The following IRF2BP1 variants were observed in gnomAD, a reference collection of about 807,000 sequenced individuals.
The protein encoded by IRF2BP1 is interferon regulatory factor 2 binding protein 1.
A neutral mutation model predicts 38.6 loss-of-function variants in IRF2BP1; 9 were observed. That is an observed-to-expected ratio of 0.23 (90% confidence interval 0.14 to 0.41). IRF2BP1 has a LOEUF of 0.41. IRF2BP1 is among the 10% of genes least tolerant of loss of function. The pLI, the probability that IRF2BP1 is intolerant of heterozygous loss-of-function variation, is 1.00. For synonymous variants in IRF2BP1, 416 were observed against 383.4 expected (o/e 1.08, Z -0.99); for missense variants, 631 against 829.6 (o/e 0.76, Z 2.94).
Position 45,884,142 on chromosome 19 carries a change from A to G in IRF2BP1, c.1633T>C (p.Tyr545His). The change falls in exon 1 of 1, where the codon TAC becomes CAC. Residue 545 changes from tyrosine to histidine, a missense_variant. Tyr to His is a moderately conservative substitution (Grantham distance 83, BLOSUM62 2). Around this residue, in one of 5 missense-constraint regions of IRF2BP1, gnomAD observed 58 missense variants for 108.4 expected, o/e 0.54. Transcript: ENST00000302165. ...IKAQGPAGEVYCPSGDKCPLV... is the reference protein window; with the variant it reads ...IKAQGPAGEVHCPSGDKCPLV... ...GGGCACTTGTCTCCGCTCGGGCAGT[A>G]CACCTCCCCGGCCGGGCCCTGCGCC... The G allele has an allele frequency of 6.2e-7, 1 of 1,613,222 alleles. No homozygotes were observed. The highest frequency in any genetic ancestry group is 8.5e-7 in the Non-Finnish European group (1 of 1,179,884).
Position 45,884,465 on chromosome 19 carries a change from G to A in IRF2BP1, c.1310C>T (p.Pro437Leu), listed in dbSNP as rs1421771466. 9.4e-6 allele frequency: 15 copies of A among 1,599,984 alleles called. No homozygotes were observed. Among genetic ancestry groups the A allele is most frequent in the Non-Finnish European group, 1.1e-5 (13 of 1,178,866 alleles). Residue 437 changes from proline to leucine, a missense_variant, in exon 1 of 1, where the codon CCC becomes CTC. Around this residue, in one of 5 missense-constraint regions of IRF2BP1, gnomAD observed 201 missense variants for 215.3 expected, o/e 0.93. Transcript: ENST00000302165. ...CCCCCCGCCTCCGCCAGGGTCCTTG[G>A]GTGAGTGGCCCAGGGCTTCGGCCAC... ...KNVAEALGHSPKDPGGGGGPV... is the reference protein window; with the variant it reads ...KNVAEALGHSLKDPGGGGGPV...
At position 45,885,980 on chromosome 19, in the gene IRF2BP1, A is replaced by T; in HGVS notation, c.-206T>A. On this transcript the variant is annotated 5_prime_UTR_variant, in exon 1 of 1. Coordinates refer to ENST00000302165, the MANE Select transcript of IRF2BP1 (RefSeq NM_015649.3). Reference sequence around the variant, plus strand: ...CTGCTCACTCCCGCCTCCCTCGCGAAGGCAGGCTGAGGCACGTCGGCGCCC... The same window carrying T: ...CTGCTCACTCCCGCCTCCCTCGCGATGGCAGGCTGAGGCACGTCGGCGCCC... The T allele has an allele frequency of 1.9e-6, 1 of 526,714 alleles. No individual in the cohort carries two copies. Among genetic ancestry groups the T allele is most frequent in the Non-Finnish European group, 3.1e-6 (1 of 326,034 alleles). The allele number at this position is 526,714 out of a possible 1,614,324, so 32.6% of individuals were successfully genotyped here.
rs770567375 is a variant in IRF2BP1 at position 45,884,968 on chromosome 19, C to G, written c.807G>C (p.Glu269Asp). ...ATTCGGTGAAGAGCTTCAGCTCGAA[C>G]TCGTATCCTGGAGGACGGGCAGTAG... is the stretch of plus-strand genomic sequence containing the variant. ...FDATARPPGY[E>D]FELKLFTEYP... The change falls in exon 1 of 1, where the codon GAG becomes GAC. Residue 269 changes from glutamate (E) to aspartate (D), a missense_variant. Glu to Asp is a conservative substitution (Grantham distance 45). Coordinates refer to ENST00000302165, the MANE Select transcript of IRF2BP1 (RefSeq NM_015649.3). The G allele has an allele frequency of 4.3e-6, 7 of 1,613,358 alleles. No homozygotes were observed. Among genetic ancestry groups the G allele is most frequent in the Non-Finnish European group, 5.9e-6 (7 of 1,180,056 alleles).
chr19:45,884,442 C>T lies in IRF2BP1; in HGVS notation c.1333G>A (p.Gly445Arg), dbSNP rs759296128. The change falls in exon 1 of 1, where the codon GGG becomes AGG. Residue 445 changes from glycine (G) to arginine (R), a missense_variant. Transcript: ENST00000302165. ...HSPKDPGGGGGPVRAGGASPA... is the reference protein window; with the variant it reads ...HSPKDPGGGGRPVRAGGASPA... ...CTGGCGCCCCCTGCACGCACAGGCC[C>T]CCCGCCTCCGCCAGGGTCCTTGGGT... The T allele has an allele frequency of 6.3e-7, 1 of 1,597,420 alleles. No individual in the cohort carries two copies.
Position 45,885,928 on chromosome 19 carries a change from T to G in IRF2BP1, c.-154A>C. 1 of 860,102 alleles carries G rather than the reference T, an allele frequency of 1.2e-6. No homozygotes were observed. The highest frequency in any genetic ancestry group is 1.6e-6 in the Non-Finnish European group (1 of 612,090). The allele number at this position is 860,102 out of a possible 1,614,324, so 53.3% of individuals were successfully genotyped here. On this transcript the variant is annotated 5_prime_UTR_variant, in exon 1 of 1. Coordinates refer to ENST00000302165, the MANE Select transcript of IRF2BP1 (RefSeq NM_015649.3). ...CGCCGGATCCAGGCCCGGCCCCCCT[T>G]CCCCGCCCCCTGGGCCCTAAGCCTT...
Position 45,885,651 on chromosome 19 carries a change from C to A in IRF2BP1, c.124G>T (p.Ala42Ser), listed in dbSNP as rs1363402858. Residue 42 changes from alanine (A) to serine (S), a missense_variant, in exon 1 of 1, where the codon GCG (alanine) becomes TCG (serine). This residue lies in a region of IRF2BP1 where 33 missense variants were observed against 66.8 expected (regional missense o/e 0.49). Coordinates refer to ENST00000302165, the MANE Select transcript of IRF2BP1 (RefSeq NM_015649.3). ...TCGATGAGCAGTTCGATGCGGTCCG[C>A]GCCCTCGAAGTTCACGCAGCCGCGA... ...VCRGCVNFEG[A>S]DRIELLIDAA... 6.3e-7 allele frequency: 1 copy of A among 1,576,952 alleles called. No homozygotes were observed. The highest frequency in any genetic ancestry group is 8.5e-7 in the Non-Finnish European group (1 of 1,171,132).
In IRF2BP1 at chr19:45,883,933, T is replaced by C; in HGVS notation, c.*87A>G. 7.7e-7 allele frequency: 1 copy of C among 1,301,570 alleles called. No individual in the cohort carries two copies. Among genetic ancestry groups the C allele is most frequent in the Non-Finnish European group, 1.0e-6 (1 of 966,818 alleles). The allele number at this position is 1,301,570 out of a possible 1,614,324, so 80.6% of individuals were successfully genotyped here. On this transcript the variant is annotated 3_prime_UTR_variant, in exon 1 of 1. Coordinates refer to ENST00000302165, the MANE Select transcript of IRF2BP1 (RefSeq NM_015649.3). ...GTATGTACACAGATAGAGGTGGCACTGGGCTGGGTCGGGGAGGGAATAATT... is the reference window on the plus strand; with the variant it reads ...GTATGTACACAGATAGAGGTGGCACCGGGCTGGGTCGGGGAGGGAATAATT...
Position 45,884,330 on chromosome 19 carries a change from C to A in IRF2BP1, c.1445G>T (p.Gly482Val), listed in dbSNP as rs1967026678. Residue 482 changes from glycine to valine, a missense_variant, in exon 1 of 1, where the codon GGG (glycine) becomes GTG (valine). Transcript: ENST00000302165. Reference sequence around the variant, plus strand: ...GCCACCCCCGCTGACAGCTTCGGCCCCCGCTGTGGGACTGACTTCTGCTTC... The same window carrying A: ...GCCACCCCCGCTGACAGCTTCGGCCACCGCTGTGGGACTGACTTCTGCTTC... Reference protein sequence around the residue: ...NGEAEVSPTAGAEAVSGGGSG... With the variant: ...NGEAEVSPTAVAEAVSGGGSG... 1.7e-5 allele frequency: 28 copies of A among 1,609,914 alleles called. No homozygotes were observed. Among genetic ancestry groups the A allele is most frequent in the Non-Finnish European group, 2.4e-5 (28 of 1,179,236 alleles).
Position 45,884,446 on chromosome 19 carries a change from G to A in IRF2BP1, c.1329C>T (p.Gly443=), listed in dbSNP as rs767283937. 10 of 1,597,490 alleles carry A rather than the reference G, an allele frequency of 6.3e-6. No individual in the cohort carries two copies. In the Admixed American group the frequency reaches 6.7e-5, roughly 11 times the overall value. The change falls in exon 1 of 1, where the codon GGC becomes GGT. Residue 443 remains glycine (G), a synonymous_variant. Transcript: ENST00000302165. ...LGHSPKDPGG[G]GGPVRAGGAS... is the part of the protein sequence containing the mutation. The stretch of plus-strand genomic sequence containing the variant: ...CGCCCCCTGCACGCACAGGCCCCCC[G>A]CCTCCGCCAGGGTCCTTGGGTGAGT...
Position 45,883,896 on chromosome 19 carries a change from TG to T in IRF2BP1, c.*123del. 1 of 917,170 alleles carries T rather than the reference TG, an allele frequency of 1.1e-6. No homozygotes were observed. The highest frequency in any genetic ancestry group is 3.1e-5 in the Admixed American group (1 of 32,204). 56.8% of individuals were successfully genotyped at this position (917,170 alleles called of 1,614,324 possible). A position where few individuals can be genotyped will look rare whatever the true frequency, so the allele number is the denominator to read the frequency against. On this transcript the variant is annotated 3_prime_UTR_variant, in exon 1 of 1. Coordinates refer to ENST00000302165, the MANE Select transcript of IRF2BP1 (RefSeq NM_015649.3). The stretch of plus-strand genomic sequence containing the variant: ...ATCTACCCCAGGGGACCCATCTGGG[TG>T]GAAGAAGGGAGTATGTACACAGATA...
Position 45,883,831 on chromosome 19 carries a change from C to T in IRF2BP1, c.*189G>A. On this transcript the variant is annotated 3_prime_UTR_variant, in exon 1 of 1. Transcript: ENST00000302165. ...GGCCAAGGGACCCCAAACACCCCCT[C>T]GGACAGGAGCCACAAGCTTTCTCCC... is the stretch of plus-strand genomic sequence containing the variant. The T allele has an allele frequency of 1.9e-6, 1 of 532,212 alleles. No individual in the cohort carries two copies. Among genetic ancestry groups the T allele is most frequent in the Non-Finnish European group, 3.2e-6 (1 of 309,802 alleles). The allele number at this position is 532,212 out of a possible 1,614,324, so 33.0% of individuals were successfully genotyped here. A position where few individuals can be genotyped will look rare whatever the true frequency, so the allele number is the denominator to read the frequency against.
At position 45,883,989 on chromosome 19, in the gene IRF2BP1, C is replaced by G. The variant is rs759710147; in HGVS notation, c.*31G>C. On this transcript the variant is annotated 3_prime_UTR_variant, in exon 1 of 1. Transcript: ENST00000302165. ...GCGGCAGCGGTGGGTGGCAAAGGGGCAGAGGGCAGTAGCCTGGAGGCAGTG... is the reference window on the plus strand; with the variant it reads ...GCGGCAGCGGTGGGTGGCAAAGGGGGAGAGGGCAGTAGCCTGGAGGCAGTG... 1 of 1,519,334 alleles carries G rather than the reference C, an allele frequency of 6.6e-7. No individual in the cohort carries two copies. The highest frequency in any genetic ancestry group is 1.3e-5 in the South Asian group (1 of 78,938). The allele number at this position is 1,519,334 out of a possible 1,614,324, so 94.1% of individuals were successfully genotyped here. A position where few individuals can be genotyped will look rare whatever the true frequency, so the allele number is the denominator to read the frequency against.
At position 45,884,804 on chromosome 19, in the gene IRF2BP1, G is replaced by A; in HGVS notation, c.971C>T (p.Ser324Leu). The A allele has an allele frequency of 6.2e-7, 1 of 1,612,808 alleles. No homozygotes were observed. The highest frequency in any genetic ancestry group is 8.5e-7 in the Non-Finnish European group (1 of 1,180,026). ...CTCGCCCAGCTGCCGCCATTCTCCT[G>A]ATCCATGCCGGCGTTCATATTCGAG... ...KYLEYERRHG[S>L]GEWRQLGELL... Residue 324 changes from serine (S) to leucine (L), a missense_variant, in exon 1 of 1, where the codon TCA (serine) becomes TTA (leucine). Coordinates refer to ENST00000302165, the MANE Select transcript of IRF2BP1 (RefSeq NM_015649.3).
chr19:45,885,771 C>A lies in IRF2BP1; in HGVS notation c.4G>T (p.Ala2Ser). 6.4e-7 allele frequency: 1 copy of A among 1,557,584 alleles called. No homozygotes were observed. Among genetic ancestry groups the A allele is most frequent in the East Asian group, 2.6e-5 (1 of 39,198 alleles). Residue 2 changes from alanine to serine, a missense_variant, in exon 1 of 1, where the codon GCG (alanine) becomes TCG (serine). Physicochemically the swap from Ala to Ser is moderately conservative, Grantham distance 99. This residue lies in a region of IRF2BP1 where 33 missense variants were observed against 66.8 expected (regional missense o/e 0.49). Coordinates refer to ENST00000302165, the MANE Select transcript of IRF2BP1 (RefSeq NM_015649.3). ...TGGCGGCGGGACGCCTGCACAGACG[C>A]CATGGCCCCAGTCCGCGCGCCGCCC... M[A>S]SVQASRRQWC...
rs1017144499 is a variant in IRF2BP1 at position 45,884,811 on chromosome 19, G to A, written c.964C>T (p.His322Tyr). The A allele has an allele frequency of 1.4e-5, 23 of 1,612,744 alleles. No homozygotes were observed. The highest frequency in any genetic ancestry group is 1.7e-5 in the Non-Finnish European group (20 of 1,180,034). Residue 322 changes from histidine to tyrosine, a missense_variant, in exon 1 of 1, where the codon CAT becomes TAT. Around this residue, in one of 5 missense-constraint regions of IRF2BP1, gnomAD observed 133 missense variants for 232.2 expected, o/e 0.57. Coordinates refer to ENST00000302165, the MANE Select transcript of IRF2BP1 (RefSeq NM_015649.3). ...GFKYLEYERRHGSGEWRQLGE... is the reference protein window; with the variant it reads ...GFKYLEYERRYGSGEWRQLGE... ...AGCTGCCGCCATTCTCCTGATCCAT[G>A]CCGGCGTTCATATTCGAGGTACTTG...
In IRF2BP1 at chr19:45,885,761, T is replaced by C; in HGVS notation, c.14A>G (p.Gln5Arg). MASVQASRRQWCYLC... is the reference protein window; with the variant it reads MASVRASRRQWCYLC... ...GTAGCACCACTGGCGGCGGGACGCC[T>C]GCACAGACGCCATGGCCCCAGTCCG... The change falls in exon 1 of 1, where the codon CAG (glutamine) becomes CGG (arginine). Residue 5 changes from glutamine to arginine, a missense_variant. Around this residue, in one of 5 missense-constraint regions of IRF2BP1, gnomAD observed 33 missense variants for 66.8 expected, o/e 0.49. Coordinates refer to ENST00000302165, the MANE Select transcript of IRF2BP1 (RefSeq NM_015649.3). 1 of 1,571,040 alleles carries C rather than the reference T, an allele frequency of 6.4e-7. No individual in the cohort carries two copies. Among genetic ancestry groups the C allele is most frequent in the Non-Finnish European group, 8.6e-7 (1 of 1,168,298 alleles).
chr19:45,884,441 C>G lies in IRF2BP1; in HGVS notation c.1334G>C (p.Gly445Ala). The change falls in exon 1 of 1, where the codon GGG becomes GCG. Residue 445 changes from glycine to alanine, a missense_variant. By Grantham distance (60) the Gly-to-Ala change is moderately conservative. Transcript: ENST00000302165. ...GCTGGCGCCCCCTGCACGCACAGGCCCCCCGCCTCCGCCAGGGTCCTTGGG... is the reference window on the plus strand; with the variant it reads ...GCTGGCGCCCCCTGCACGCACAGGCGCCCCGCCTCCGCCAGGGTCCTTGGG... The part of the protein sequence containing the change: ...HSPKDPGGGG[G>A]PVRAGGASPA... The G allele has an allele frequency of 6.3e-7, 1 of 1,597,114 alleles. No homozygotes were observed. Among genetic ancestry groups the G allele is most frequent in the Non-Finnish European group, 8.5e-7 (1 of 1,177,246 alleles).
Position 45,885,598 on chromosome 19 carries a change from G to C in IRF2BP1, c.177C>G (p.His59Gln). ...CGGGCGAGCGGCCCTCGGGGAGCAC[G>C]TGGCTGCGCTTGAGCTGGCGGGCGG... is the stretch of plus-strand genomic sequence containing the variant. ...IDAARQLKRS[H>Q]VLPEGRSPGP... Residue 59 changes from histidine (H) to glutamine (Q), a missense_variant, in exon 1 of 1, where the codon CAC becomes CAG. Transcript: ENST00000302165. 1 of 1,526,016 alleles carries C rather than the reference G, an allele frequency of 6.6e-7. No homozygotes were observed. 94.5% of individuals were successfully genotyped at this position (1,526,016 alleles called of 1,614,324 possible). A position where few individuals can be genotyped will look rare whatever the true frequency, so the allele number is the denominator to read the frequency against.
Position 45,885,477 on chromosome 19 carries a change from A to T in IRF2BP1, c.298T>A (p.Ser100Thr). ...LPPPQAQPQPSGTGGGVSGQD... is the reference protein window; with the variant it reads ...LPPPQAQPQPTGTGGGVSGQD... ...CCCGACACGCCGCCGCCGGTCCCTG[A>T]CGGCTGGGGCTGGGCCTGCGGGGGC... The change falls in exon 1 of 1, where the codon TCA becomes ACA. Residue 100 changes from serine to threonine, a missense_variant. Physicochemically the swap from Ser to Thr is moderately conservative, Grantham distance 58. Coordinates refer to ENST00000302165, the MANE Select transcript of IRF2BP1 (RefSeq NM_015649.3). 1 of 1,477,888 alleles carries T rather than the reference A, an allele frequency of 6.8e-7. No individual in the cohort carries two copies. The highest frequency in any genetic ancestry group is 8.9e-7 in the Non-Finnish European group (1 of 1,119,708). 91.5% of individuals were successfully genotyped at this position (1,477,888 alleles called of 1,614,324 possible).
Sources: gnomAD v4.1 joint callset for allele counts on GRCh38, gnomAD v4.1.1 for gene constraint, gnomAD v4.1.1 regional missense constraint, MANE v1.5 for transcripts, NCBI Gene and HGNC (gene_info 2026-07-23, HGNC 2026-07-21) for gene names.